The following TCAIM variants were observed in gnomAD, a reference collection of about 807,000 sequenced individuals.
The protein encoded by TCAIM is T cell activation inhibitor, mitochondrial, also known as T-cell activation inhibitor, mitochondrial.
In TCAIM, 36 loss-of-function variants were observed where a neutral mutation model predicts 58.6. The observed-to-expected ratio is 0.61, with a 90% CI of 0.47 to 0.81. TCAIM has a LOEUF of 0.81. Ranked by LOEUF, TCAIM falls within the 30% of genes least tolerant of loss-of-function variation. The pLI, the probability that TCAIM is intolerant of heterozygous loss-of-function variation, is 0.00. For synonymous variants in TCAIM, 172 were observed against 193.6 expected, an observed-to-expected ratio of 0.89 and a Z score of 0.93; for missense variants, 466 against 579.6, an observed-to-expected ratio of 0.80 and a Z score of 2.01.
chr3:44,396,642 A>C, intron 7 of TCAIM, 101 bp from the exon 8 acceptor site: 4 of 1,441,652 alleles, frequency 2.8e-6, no homozygotes, highest in Non-Finnish European at 3.8e-6. Context: ...TTAGCCTTTA[A>C]GCTTCTACTG....
chr3:44,367,729 A>G, intron 5 of TCAIM, 21 bp downstream of exon 5: 1 of 1,582,862 alleles, frequency 6.3e-7, no homozygotes, highest in Non-Finnish European at 8.6e-7. Context: ...GTTTTTATCT[A>G]ACTAAACTGT....
chr3:44,370,513 C>G (rs1310956037), intron 5 of TCAIM, among the ~76,000 whole-genome samples: 1 of 150,530 alleles, frequency 6.6e-6, no homozygotes. Context: ...ATTTAGCTTT[C>G]TAAATCACTG....
intron 5 of TCAIM, among the ~76,000 whole-genome samples, chr3:44,390,696 C>G (rs138537540): frequency 2.0e-5 from 3 of 152,086 alleles, no homozygotes; most frequent in South Asian, 2.1e-4. Context: ...AATGGCCAGG[C>G]ATGGTGGCTC....
chr3:44,374,286 C>CTTTTTTTTTTTTTTT (rs753252645), intron 5 of TCAIM, among the ~76,000 whole-genome samples: 1 of 119,870 alleles, frequency 8.3e-6, no homozygotes. Flanking sequence ...GCTTTGCTTT[C>CTTTTTTTTTTTTTTT]TTTTTTTTTT....
intron 1 of TCAIM, among the ~76,000 whole-genome samples, chr3:44,344,019 A>T (rs1288945628): frequency 7.4e-6 from 1 of 134,446 alleles, no homozygotes; most frequent in African/African-American, 2.7e-5. Context: ...TTTTGATGGA[A>T]ATGCTTTTTT....
chr3:44,404,186 C>A (rs930171515), intron 10 of TCAIM, among the ~76,000 whole-genome samples: 3 of 152,154 alleles, frequency 2.0e-5, no homozygotes, highest in Non-Finnish European at 4.4e-5. Context: ...CCTTCTCTGG[C>A]CACACAACTC....
At chr3:44,379,368 G>C (rs1348730873) in intron 5 of TCAIM, among the ~76,000 whole-genome samples, 1 of 152,034 alleles carries the variant, frequency 6.6e-6, no homozygotes, top group Non-Finnish European at 1.5e-5. Flanking sequence ...CTCACTACGG[G>C]GTTTATACCC....
chr3:44,385,216 A>G (rs1274193342), intron 5 of TCAIM, among the ~76,000 whole-genome samples: 1 of 152,248 alleles, frequency 6.6e-6, no homozygotes, highest in Admixed American at 6.5e-5. Flanking sequence ...TAATGTAAGT[A>G]GAAAATAAAT....
intron 5 of TCAIM, among the ~76,000 whole-genome samples, chr3:44,376,643 T>C (rs148606663): frequency 1.1e-3 from 162 of 152,054 alleles, no homozygotes; most frequent in African/African-American, 3.7e-3. Flanking sequence ...CAAAAGAAGA[T>C]AGTAATGCAA....
chr3:44,353,303 A>G (rs947229830), intron 1 of TCAIM, among the ~76,000 whole-genome samples: 18 of 152,148 alleles, frequency 1.2e-4, no homozygotes, highest in Middle Eastern at 3.2e-3. Context: ...GTCTGGATAT[A>G]CCACAGTTTA....
At chr3:44,373,394 G>A (rs1008084735) in intron 5 of TCAIM, among the ~76,000 whole-genome samples, 13 of 152,022 alleles carry the variant, frequency 8.6e-5, no homozygotes, top group Admixed American at 7.9e-4. Flanking sequence ...GGCCAGGTGT[G>A]GTGGGTCACG....
intron 5 of TCAIM, among the ~76,000 whole-genome samples, chr3:44,375,628 G>T (rs1197474521): frequency 6.6e-6 from 1 of 152,170 alleles, no homozygotes; most frequent in Non-Finnish European, 1.5e-5. Flanking sequence ...CTGTAGCACA[G>T]GCCAAGGTCA....
intron 1 of TCAIM, chr3:44,340,418 C>A (rs6768330): frequency 0.85 from 129,830 of 152,200 alleles, 55,417 homozygotes; most frequent in Middle Eastern, 0.91. Flanking sequence ...CGTTGTGAAG[C>A]GGCAGGCAGC....
intron 5 of TCAIM, among the ~76,000 whole-genome samples, chr3:44,378,822 T>A (rs999108752): frequency 6.0e-5 from 9 of 149,502 alleles, no homozygotes; most frequent in African/African-American, 2.2e-4. Flanking sequence ...TGCAAATTAA[T>A]ACCACAGTGA....
At chr3:44,397,733 G>A (rs1291317518) in intron 8 of TCAIM, among the ~76,000 whole-genome samples, 1 of 152,114 alleles carries the variant, frequency 6.6e-6, no homozygotes, top group Non-Finnish European at 1.5e-5. Flanking sequence ...TTTAATTTTA[G>A]TCAGTCTAAT....
At chr3:44,402,015 A>G (rs1194203631) in intron 10 of TCAIM, among the ~76,000 whole-genome samples, 1 of 152,226 alleles carries the variant, frequency 6.6e-6, no homozygotes, top group East Asian at 1.9e-4. Flanking sequence ...CCTGAATGAA[A>G]GAGTGAGAAA....
chr3:44,349,264 A>G (rs1385637065), intron 1 of TCAIM, among the ~76,000 whole-genome samples: 2 of 152,218 alleles, frequency 1.3e-5, no homozygotes, highest in Non-Finnish European at 2.9e-5. Context: ...GACATCAGAC[A>G]TCTCAGACCA....
intron 1 of TCAIM, chr3:44,339,649 A>G (rs1470175126): frequency 1.3e-5 from 2 of 152,206 alleles, no homozygotes; most frequent in Admixed American, 1.3e-4. Context: ...TGGTTTGTAA[A>G]TAAATTTTAT....
upstream of TCAIM, chr3:44,338,445 G>A (rs1418851032): frequency 1.3e-5 from 2 of 152,318 alleles, no homozygotes; most frequent in African/African-American, 4.8e-5. Flanking sequence ...GTGCGCAGGC[G>A]CCGTAGGGGG....
Sources: gnomAD v4.1 joint callset for allele counts (sites outside exome capture counted in the v4.1 genomes callset) on GRCh38, gnomAD v4.1.1 for gene constraint, MANE v1.5 for transcripts, NCBI Gene and HGNC (gene_info 2026-07-23, HGNC 2026-07-21) for gene names.